Variants in MMP11 observed in about 807,000 individuals in gnomAD.
MMP11 encodes the protein stromelysin-3.
In MMP11, 26 loss-of-function variants were observed where a neutral mutation model predicts 49.5. That is an observed-to-expected ratio of 0.52 (90% CI 0.38 to 0.73). MMP11 has a LOEUF of 0.73. MMP11 is among the 30% of genes least tolerant of loss of function. The pLI is 0.00. For missense variants in MMP11, 624 were observed against 671.2 expected (o/e 0.93, Z 0.78); for synonymous variants, 265 against 282.3 (o/e 0.94, Z 0.62).
intron 1 of MMP11, 34 bp from the exon 2 acceptor site, chr22:23,779,153 C>G (rs764167263): frequency 8.6e-6 from 13 of 1,509,944 alleles, no homozygotes; most frequent in Non-Finnish European, 1.2e-5. Context: ...GGACCTTAGG[C>G]CTGACCAGAC....
chr22:23,782,336 G>A lies in MMP11; in HGVS notation c.1186G>A (p.Glu396Lys), dbSNP rs767579900. 13 of 1,613,896 alleles carry A rather than the reference G, an allele frequency of 8.1e-6. No individual in the cohort carries two copies. Among genetic ancestry groups the A allele is most frequent in the African/African-American group, 2.7e-5 (2 of 74,880 alleles). The change falls in exon 7 of 8, where the codon GAG becomes AAG. Residue 396 changes from glutamate (E) to lysine (K), a missense_variant. By Grantham distance (56) the Glu-to-Lys change is moderately conservative. Coordinates refer to ENST00000215743, the MANE Select transcript of MMP11 (RefSeq NM_005940.5). ...PVHAALVWGPEKNKIYFFRGR... is the reference protein window; with the variant it reads ...PVHAALVWGPKKNKIYFFRGR... The stretch of plus-strand genomic sequence containing the variant: ...CCATGCTGCCTTGGTCTGGGGTCCC[G>A]AGAAGAACAAGATCTACTTCTTCCG...
chr22:23,783,339 T>A, intron 7 of MMP11, 72 bp from the exon 8 acceptor site: 1 of 1,591,748 alleles, frequency 6.3e-7, no homozygotes, highest in Non-Finnish European at 8.6e-7. Context: ...TGCCCATCCC[T>A]GGGCACAGCC....
chr22:23,783,246 G>C (rs1927707104), intron 7 of MMP11, among the ~76,000 whole-genome samples, 165 bp from the exon 8 acceptor site: 1 of 152,150 alleles, frequency 6.6e-6, no homozygotes, highest in African/African-American at 2.4e-5. Context: ...AGGGAAGAGA[G>C]GTTCTGAAAG....
chr22:23,782,744 A>G (rs962871865), intron 7 of MMP11: 4 of 558,454 alleles, frequency 7.2e-6, no homozygotes, highest in Non-Finnish European at 9.6e-6. Flanking sequence ...ACTGCTGTAC[A>G]CTGAGGGCCA....
chr22:23,782,216 T>C lies in MMP11; in HGVS notation c.1076-10T>C. 6.2e-7 allele frequency: 1 copy of C among 1,606,542 alleles called. No individual in the cohort carries two copies. The highest frequency in any genetic ancestry group is 1.1e-5 in the South Asian group (1 of 90,788). ...CTGGGCAGGTCCTTGCAGCCTTCCC[T>C]CTCCGGCAGGTGCTCAGTACTGGGT... On this transcript the variant is annotated splice_polypyrimidine_tract_variant and intron_variant, in intron 6 of 7. Transcript: ENST00000215743.
At chr22:23,773,011 C>A in intron 1 of MMP11, 33 bp downstream of exon 1, 1 of 1,163,638 alleles carries the variant, frequency 8.6e-7, no homozygotes, top group Non-Finnish European at 1.1e-6. Context: ...CCGCTCCTCG[C>A]TGAGGGGGCG....
At chr22:23,779,754 G>A in intron 2 of MMP11, 1 of 397,754 alleles carries the variant, frequency 2.5e-6, no homozygotes, top group Non-Finnish European at 4.6e-6. Flanking sequence ...CGGTGAATGA[G>A]GCAGACACAG....
At chr22:23,779,126 C>CT in intron 1 of MMP11, 61 bp from the exon 2 acceptor site, 1 of 1,349,594 alleles carries the variant, frequency 7.4e-7, no homozygotes, top group Non-Finnish European at 1.0e-6. Context: ...GGCCACATCT[C>CT]TAACTGTGGG....
At chr22:23,779,776 G>T (rs1434664541) in intron 2 of MMP11, 2 of 343,198 alleles carry the variant, frequency 5.8e-6, no homozygotes, top group South Asian at 8.9e-5. Context: ...CCCATCCTCT[G>T]TGTCAGTCTG....
intron 7 of MMP11, 65 bp downstream of exon 7, chr22:23,782,548 G>A (rs1353903528): frequency 1.3e-6 from 2 of 1,518,892 alleles, no homozygotes; most frequent in East Asian, 2.4e-5. Flanking sequence ...ACCTGGTGGT[G>A]GCTGGGCTCC....
chr22:23,777,282 G>C, intron 1 of MMP11, among the ~76,000 whole-genome samples: 1 of 136,052 alleles, frequency 7.4e-6, no homozygotes, highest in Non-Finnish European at 1.5e-5. Context: ...TTAGCCAGGC[G>C]TGAGGCTGGG....
At chr22:23,779,507 AG>A in intron 2 of MMP11, 91 bp downstream of exon 2, 2 of 1,143,418 alleles carry the variant, frequency 1.7e-6, no homozygotes, top group Non-Finnish European at 2.5e-6. Context: ...GACACAGGCC[AG>A]GGTAGATCTT....
Position 23,780,681 on chromosome 22 carries a change from C to G in MMP11, c.582C>G (p.Asp194Glu). ...KTHREGDVHFDYDETWTIGDD... is the reference protein window; with the variant it reads ...KTHREGDVHFEYDETWTIGDD... ...ACCGAGAAGGGGATGTCCACTTCGACTATGATGAGACCTGGACTATCGGGG... is the reference window on the plus strand; with the variant it reads ...ACCGAGAAGGGGATGTCCACTTCGAGTATGATGAGACCTGGACTATCGGGG... The change falls in exon 4 of 8, where the codon GAC becomes GAG. Residue 194 changes from aspartate (D) to glutamate (E), a missense_variant. By Grantham distance (45) the Asp-to-Glu change is conservative. Transcript: ENST00000215743. The surrounding 1 kb of genome is among the most constrained non-coding windows in gnomAD (Gnocchi z 4.6). The G allele has an allele frequency of 6.4e-7, 1 of 1,574,248 alleles. No homozygotes were observed. The highest frequency in any genetic ancestry group is 8.6e-7 in the Non-Finnish European group (1 of 1,162,874).
At chr22:23,781,834 T>G (rs1473895573) in intron 6 of MMP11, 1 of 587,514 alleles carries the variant, frequency 1.7e-6, no homozygotes, top group Non-Finnish European at 3.3e-6. Context: ...GCCTGGAGCA[T>G]TGCAGATGCC....
Position 23,781,008 on chromosome 22 carries a change from C to T in MMP11, c.766C>T (p.Leu256=), listed in dbSNP as rs1448310423. Residue 256 remains leucine, a synonymous_variant, in exon 5 of 8, where the codon CTA becomes TTA. Transcript: ENST00000215743. The part of the protein sequence containing the change: ...SPDDCRGVQH[L]YGQPWPTVTS... ...AGATGACTGCAGGGGCGTTCAACAC[C>T]TATATGGCCAGCCCTGGCCCACTGT... 6.2e-7 allele frequency: 1 copy of T among 1,613,182 alleles called. No individual in the cohort carries two copies. The highest frequency in any genetic ancestry group is 8.5e-7 in the Non-Finnish European group (1 of 1,180,020).
chr22:23,774,843 G>A (rs1438270204), intron 1 of MMP11, among the ~76,000 whole-genome samples: 11 of 152,112 alleles, frequency 7.2e-5, no homozygotes, highest in Admixed American at 7.2e-4. Flanking sequence ...GGCACCCTGG[G>A]GTCCTCCCTT....
chr22:23,781,504 A>G, intron 6 of MMP11, 95 bp downstream of exon 6: 1 of 1,213,644 alleles, frequency 8.2e-7, no homozygotes, highest in African/African-American at 1.5e-5. Context: ...TTAGGGACAC[A>G]GTGGATAGGG....
chr22:23,782,236 C>G lies in MMP11; in HGVS notation c.1086C>G (p.Tyr362Ter). The G allele has an allele frequency of 2.5e-6, 4 of 1,613,050 alleles. No individual in the cohort carries two copies. The highest frequency in any genetic ancestry group is 3.4e-6 in the Non-Finnish European group (4 of 1,179,852). ...TTCCCTCTCCGGCAGGTGCTCAGTACTGGGTGTACGACGGTGAAAAGCCAG... is the reference window on the plus strand; with the variant it reads ...TTCCCTCTCCGGCAGGTGCTCAGTAGTGGGTGTACGACGGTGAAAAGCCAG... ...GHIWFFQGAQ[Y>*]WVYDGEKPVL... The change falls in exon 7 of 8, where the codon TAC becomes TAG. Residue 362 changes from tyrosine to a stop codon, truncating the protein, a stop_gained. Coordinates refer to ENST00000215743, the MANE Select transcript of MMP11 (RefSeq NM_005940.5). LOFTEE classifies it high-confidence loss of function.
At chr22:23,783,061 C>T (rs1474432681) in intron 7 of MMP11, among the ~76,000 whole-genome samples, 1 of 152,172 alleles carries the variant, frequency 6.6e-6, no homozygotes, top group Non-Finnish European at 1.5e-5. Context: ...CTCCAGGGTG[C>T]CCGTCAATAG....
Sources: allele counts gnomAD v4.1 joint callset (sites outside exome capture counted in the v4.1 genomes callset), GRCh38; gene constraint gnomAD v4.1.1; non-coding constraint Gnocchi (gnomAD v3.1); transcripts MANE v1.5; gene names NCBI Gene and HGNC (gene_info 2026-07-23, HGNC 2026-07-21).